MIPEP: variants seen among roughly 807,000 people sequenced by gnomAD.
MIPEP encodes mitochondrial intermediate peptidase.
A neutral mutation model predicts 90.3 loss-of-function variants in MIPEP; 79 were observed. That is an observed-to-expected ratio of 0.87 (90% confidence interval 0.73 to 1.05). The LOEUF (loss-of-function observed/expected upper bound fraction) is 1.05. Ranked by LOEUF, MIPEP falls within the 50% of genes least tolerant of loss-of-function variation. The pLI is 0.00. For synonymous variants in MIPEP, 334 were observed against 315.8 expected (o/e 1.06, Z -0.61); for missense variants, 940 against 905.6 (o/e 1.04, Z -0.49).
chr13:23,828,609 G>A (rs535894315), intron 14 of MIPEP, among the ~76,000 whole-genome samples: 1 of 152,290 alleles, frequency 6.6e-6, no homozygotes, highest in South Asian at 2.1e-4. Context: ...CCCAACAAAA[G>A]CTGACCAAGG....
rs556154229 is a variant in MIPEP, at chr13:23,737,663, T to A, written c.2045-7218A>T. ...TTTAAAAATCAGCATACTCATGGCC[T>A]CACCTGTTTAACCCTTGAATGCCCT... On this transcript the variant is annotated intron_variant, in intron 18 of 18. Coordinates refer to ENST00000382172, the MANE Select transcript of MIPEP (RefSeq NM_005932.4). 1.8e-4 allele frequency among the ~76,000 whole-genome samples: 27 copies of A among 152,300 alleles called. 2 individuals are homozygous for A. The South Asian group carries it at 5.6e-3, about 32-fold the overall frequency.
intron 14 of MIPEP, among the ~76,000 whole-genome samples, chr13:23,825,442 C>T (rs1023955161): frequency 1.8e-4 from 27 of 151,966 alleles, no homozygotes; most frequent in Non-Finnish European, 2.4e-4. Flanking sequence ...CAAACTAAGG[C>T]GAGAAACTAA....
intron 18 of MIPEP, 102 bp downstream of exon 18, chr13:23,756,443 C>T: frequency 4.0e-6 from 5 of 1,239,434 alleles, no homozygotes; most frequent in Non-Finnish European, 5.8e-6. Flanking sequence ...AGGCATGAAC[C>T]ACCACACCTG....
intron 2 of MIPEP, among the ~76,000 whole-genome samples, chr13:23,883,060 G>A (rs1871331535): frequency 6.6e-6 from 1 of 152,070 alleles, no homozygotes; most frequent in Admixed American, 6.5e-5. Context: ...CCTTATAACA[G>A]TACTAATCTC....
intron 12 of MIPEP, 62 bp from the exon 13 acceptor site, chr13:23,837,818 G>A (rs1473083029): frequency 7.8e-7 from 1 of 1,287,448 alleles, no homozygotes; most frequent in Non-Finnish European, 1.1e-6. Flanking sequence ...GAGTAAAACA[G>A]TCTTAATGAA....
In MIPEP at chr13:23,889,367, C is replaced by T. The variant is rs28372956; in HGVS notation, c.-47G>A. ...TCCTCCAACGCAGATCCCTGCCCTG[C>T]TGCTTTCGCTGGGAGCGCGCGCTCC... On this transcript the variant is annotated 5_prime_UTR_variant, in exon 1 of 19. Transcript: ENST00000382172. 1,434 of 1,244,022 alleles carry T rather than the reference C, an allele frequency of 1.2e-3. 33 individuals are homozygous for T. The East Asian group carries it at 0.043, about 37-fold the overall frequency. 77.1% of individuals were successfully genotyped at this position (1,244,022 alleles called of 1,614,324 possible).
chr13:23,759,242 G>A (rs1952515351), intron 17 of MIPEP, among the ~76,000 whole-genome samples: 1 of 152,068 alleles, frequency 6.6e-6, no homozygotes, highest in African/African-American at 2.4e-5. Flanking sequence ...CCAAATCAGG[G>A]AGCAAAGGGA....
intron 16 of MIPEP, among the ~76,000 whole-genome samples, chr13:23,790,660 T>C (rs1952889441): frequency 1.3e-5 from 2 of 152,214 alleles, no homozygotes; most frequent in Admixed American, 6.5e-5. Flanking sequence ...ACCATCTGCC[T>C]CATGGAGTGG....
intron 18 of MIPEP, among the ~76,000 whole-genome samples, chr13:23,730,940 G>A (rs1348350645): frequency 6.6e-6 from 1 of 152,134 alleles, no homozygotes; most frequent in African/African-American, 2.4e-5. Context: ...AGAACTCCTA[G>A]CTTTGCAACT....
At chr13:23,815,752 ATAAAG>A (rs1035696573) in intron 14 of MIPEP, among the ~76,000 whole-genome samples, 3 of 152,230 alleles carry the variant, frequency 2.0e-5, no homozygotes, top group Non-Finnish European at 2.9e-5. Context: ...CCACAATGAA[ATAAAG>A]TAATGTGCTA....
rs1392646324 is a variant in MIPEP, at chr13:23,806,712, AT to A, written c.1729-644del. 5.3e-5 allele frequency among the ~76,000 whole-genome samples: 7 copies of A among 131,438 alleles called. No individual in the cohort carries two copies. In the East Asian group the frequency reaches 1.5e-3, roughly 28 times the overall value. The allele number at this position is 131,438 out of a possible 152,430, so 86.2% of individuals were successfully genotyped here. A position where few individuals can be genotyped will look rare whatever the true frequency, so the allele number is the denominator to read the frequency against. ...AAAAAACAACAACAACAACAAAAAA[AT>A]CTATATCTATCTATCTATCTATCTA... On this transcript the variant is annotated intron_variant, in intron 15 of 18. Transcript: ENST00000382172.
Position 23,869,282 on chromosome 13 carries a change from A to G in MIPEP, c.943+10T>C. On this transcript the variant is annotated intron_variant, in intron 7 of 18. Transcript: ENST00000382172. Reference sequence around the variant, plus strand: ...TATTTTGCCCTTAAATGTTGGATAAACAGGCTTACCTGGATTTTTAGCTAT... The same window carrying G: ...TATTTTGCCCTTAAATGTTGGATAAGCAGGCTTACCTGGATTTTTAGCTAT... 3 of 1,567,316 alleles carry G rather than the reference A, an allele frequency of 1.9e-6. No individual in the cohort carries two copies. The highest frequency in any genetic ancestry group is 2.6e-6 in the Non-Finnish European group (3 of 1,161,922).
rs1952494552 is a variant in MIPEP at position 23,756,713 on chromosome 13, T to A, written c.1971-95A>T. 25 of 1,189,096 alleles carry A rather than the reference T, an allele frequency of 2.1e-5. No individual in the cohort carries two copies. In the East Asian group the frequency reaches 5.9e-4, roughly 28 times the overall value. The allele number at this position is 1,189,096 out of a possible 1,614,324, so 73.7% of individuals were successfully genotyped here. ...AAAGAAAGCCACACTGATGCCATAT[T>A]CATAAAAGCTGCCACCATGTGACAA... is the stretch of plus-strand genomic sequence containing the variant. On this transcript the variant is annotated intron_variant, in intron 17 of 18. Transcript: ENST00000382172.
At chr13:23,854,289 AT>A (rs1269641808) in intron 10 of MIPEP, among the ~76,000 whole-genome samples, 8 of 149,470 alleles carry the variant, frequency 5.4e-5, no homozygotes, top group Non-Finnish European at 8.9e-5. Context: ...TTCTTAAACA[AT>A]TTTTTCTTTG....
chr13:23,758,866 T>C (rs1354776785), intron 17 of MIPEP, among the ~76,000 whole-genome samples: 1 of 152,214 alleles, frequency 6.6e-6, no homozygotes, highest in East Asian at 1.9e-4. Flanking sequence ...ACCTAGATTA[T>C]AGTCTTAGTC....
At chr13:23,829,948 A>T (rs950073685) in intron 14 of MIPEP, among the ~76,000 whole-genome samples, 1 of 152,358 alleles carries the variant, frequency 6.6e-6, no homozygotes, top group East Asian at 1.9e-4. Flanking sequence ...AAAACTTTTG[A>T]CAAAATTAAA....
intron 15 of MIPEP, among the ~76,000 whole-genome samples, chr13:23,806,444 G>A (rs931966766): frequency 6.6e-6 from 1 of 152,128 alleles, no homozygotes; most frequent in Non-Finnish European, 1.5e-5. Context: ...TTGGGAGGCC[G>A]AGGCGGGAGG....
At chr13:23,826,925 T>G (rs536348215) in intron 14 of MIPEP, among the ~76,000 whole-genome samples, 2 of 152,366 alleles carry the variant, frequency 1.3e-5, no homozygotes, top group South Asian at 4.1e-4. Flanking sequence ...AAACTGCATC[T>G]GTATCGAACA....
chr13:23,739,317 A>C (rs552965535), intron 18 of MIPEP, among the ~76,000 whole-genome samples: 1 of 152,360 alleles, frequency 6.6e-6, no homozygotes, highest in East Asian at 1.9e-4. Flanking sequence ...AGTCTCCCAG[A>C]CGGGAGGTGC....
Sources: allele counts gnomAD v4.1 joint callset (sites outside exome capture counted in the v4.1 genomes callset), GRCh38; gene constraint gnomAD v4.1.1; transcripts MANE v1.5; gene names NCBI Gene and HGNC (gene_info 2026-07-23, HGNC 2026-07-21).